Variants in PDSS1 observed in about 807,000 individuals in gnomAD.
PDSS1 encodes the protein decaprenyl diphosphate synthase subunit 1, also known as all trans-polyprenyl-diphosphate synthase PDSS1.
A neutral mutation model predicts 57.5 loss-of-function variants in PDSS1; 43 were observed. That is an observed-to-expected ratio of 0.75 (90% CI 0.59 to 0.96). PDSS1 has a LOEUF of 0.96. Ranked by LOEUF, PDSS1 falls within the 50% of genes least tolerant of loss-of-function variation. The pLI, the probability that PDSS1 is intolerant of heterozygous loss-of-function variation, is 0.00. For synonymous variants in PDSS1, 175 were observed against 191.3 expected, an observed-to-expected ratio of 0.91 and a Z score of 0.70; for missense variants, 438 against 527.8, an observed-to-expected ratio of 0.83 and a Z score of 1.67.
intron 7 of PDSS1, 22 bp downstream of exon 7, chr10:26,723,939 T>C (rs752723077): frequency 1.9e-6 from 3 of 1,589,864 alleles, no homozygotes; most frequent in Non-Finnish European, 2.6e-6. Context: ...CTGATTTTTC[T>C]TCTTTGTTAT....
At chr10:26,707,067 G>C (rs1010799813) in intron 4 of PDSS1, among the ~76,000 whole-genome samples, 2 of 152,168 alleles carry the variant, frequency 1.3e-5, no homozygotes, top group Non-Finnish European at 2.9e-5. Flanking sequence ...CCAGGGACTT[G>C]CATCCCGTCT....
intron 8 of PDSS1, among the ~76,000 whole-genome samples, chr10:26,734,178 C>T (rs1451881940): frequency 6.6e-6 from 1 of 152,228 alleles, no homozygotes; most frequent in East Asian, 1.9e-4. Context: ...GCCCCACAGT[C>T]TCACAGCAGA....
intron 10 of PDSS1, among the ~76,000 whole-genome samples, chr10:26,741,802 A>G (rs1444840796): frequency 1.3e-5 from 2 of 152,176 alleles, no homozygotes; most frequent in South Asian, 2.1e-4. Flanking sequence ...TCCCTACTCA[A>G]TCAGAAACTG....
At chr10:26,734,678 G>A (rs1047030551) in intron 8 of PDSS1, 5 of 456,148 alleles carry the variant, frequency 1.1e-5, no homozygotes, top group African/African-American at 8.0e-5. Flanking sequence ...GGAGGCTTGA[G>A]ATGATTTTTA....
In PDSS1 at chr10:26,746,590, A is replaced by G. The variant is rs1554800155; in HGVS notation, c.*117A>G. 1.2e-5 allele frequency: 14 copies of G among 1,123,754 alleles called. No homozygotes were observed. Among genetic ancestry groups the G allele is most frequent in the Non-Finnish European group, 3.9e-6 (3 of 764,556 alleles). 69.6% of individuals were successfully genotyped at this position (1,123,754 alleles called of 1,614,324 possible). On this transcript the variant is annotated 3_prime_UTR_variant, in exon 12 of 12. Coordinates refer to ENST00000376215, the MANE Select transcript of PDSS1 (RefSeq NM_014317.5). ...CCAAAAATCATTTTAAAAGATATCA[A>G]ACTTATTGATGGGCAATTTATTTTT...
intron 8 of PDSS1, among the ~76,000 whole-genome samples, chr10:26,727,024 T>G (rs1835973987): frequency 1.3e-5 from 2 of 150,566 alleles, no homozygotes; most frequent in African/African-American, 4.9e-5. Flanking sequence ...ATCACTCCAC[T>G]GCATTCCAGC....
At chr10:26,706,488 A>AT (rs1835220994) in intron 4 of PDSS1, among the ~76,000 whole-genome samples, 1 of 152,142 alleles carries the variant, frequency 6.6e-6, no homozygotes, top group Non-Finnish European at 1.5e-5. Context: ...CTCTAGGGGC[A>AT]GTCCCTTAGC....
chr10:26,738,936 C>G (rs1183279941), intron 10 of PDSS1, among the ~76,000 whole-genome samples: 1 of 152,138 alleles, frequency 6.6e-6, no homozygotes, highest in East Asian at 1.9e-4. Flanking sequence ...AGAATAAAAA[C>G]CTCATGTTAA....
At chr10:26,724,795 C>G (rs537293053) in intron 8 of PDSS1, among the ~76,000 whole-genome samples, 4 of 152,256 alleles carry the variant, frequency 2.6e-5, no homozygotes, top group East Asian at 1.9e-4. Context: ...CCGGGCTGGT[C>G]TCAAACTCCT....
chr10:26,722,898 CTT>C (rs751637147), intron 6 of PDSS1, among the ~76,000 whole-genome samples: 10 of 143,478 alleles, frequency 7.0e-5, no homozygotes, highest in Admixed American at 1.4e-4. Context: ...AATGGAAAAA[CTT>C]TTTTTTTTTT....
intron 10 of PDSS1, 45 bp downstream of exon 10, chr10:26,735,624 C>G (rs761004392): frequency 1.3e-5 from 14 of 1,068,274 alleles, no homozygotes; most frequent in Admixed American, 3.4e-5. Flanking sequence ...CATAGCCCCA[C>G]AGAACTGATG....
At chr10:26,706,132 C>T (rs763767092) in intron 4 of PDSS1, among the ~76,000 whole-genome samples, 13 of 152,118 alleles carry the variant, frequency 8.5e-5, no homozygotes, top group Admixed American at 2.0e-4. Flanking sequence ...GGTTGGGCAC[C>T]GTGGCTCGTG....
intron 6 of PDSS1, among the ~76,000 whole-genome samples, chr10:26,721,838 G>A (rs1835797422): frequency 6.6e-6 from 1 of 152,328 alleles, no homozygotes; most frequent in African/African-American, 2.4e-5. Context: ...GGCAGGTCAA[G>A]GACACATGTG....
At chr10:26,714,581 C>T (rs1193832958) in intron 5 of PDSS1, 1 of 152,172 alleles carries the variant, frequency 6.6e-6, no homozygotes, top group Non-Finnish European at 1.5e-5. Flanking sequence ...ACAAGCCAAA[C>T]CTACCTAGCC....
At chr10:26,737,205 T>C (rs1836434555) in intron 10 of PDSS1, among the ~76,000 whole-genome samples, 1 of 152,208 alleles carries the variant, frequency 6.6e-6, no homozygotes, top group African/African-American at 2.4e-5. Context: ...TGTTAAGTAC[T>C]TGTTATGAAC....
chr10:26,717,629 C>G (rs1324764789), intron 5 of PDSS1: 1 of 152,146 alleles, frequency 6.6e-6, no homozygotes, highest in Admixed American at 6.5e-5. Flanking sequence ...CAAAACAACT[C>G]TAGTATCTTG....
chr10:26,704,645 C>G, intron 2 of PDSS1, 32 bp from the exon 3 acceptor site: 1 of 913,438 alleles, frequency 1.1e-6, no homozygotes. Flanking sequence ...CAGGAATATT[C>G]TTACAAGTTT....
At chr10:26,742,896 T>C in intron 11 of PDSS1, among the ~76,000 whole-genome samples, 1 of 152,226 alleles carries the variant, frequency 6.6e-6, no homozygotes, top group South Asian at 2.1e-4. Context: ...GCCTTCCCTG[T>C]GTCCATCAAC....
rs1486882218 is a variant in PDSS1 at position 26,705,148 on chromosome 10, A to G, written c.228-138A>G. On this transcript the variant is annotated intron_variant, in intron 3 of 11. Transcript: ENST00000376215. Reference sequence around the variant, plus strand: ...AATAGAATTCTGTATGTTTTTCCAAATTATAATGACCTTTTCAGATTCATG... The same window carrying G: ...AATAGAATTCTGTATGTTTTTCCAAGTTATAATGACCTTTTCAGATTCATG... The G allele has an allele frequency of 9.0e-6, 6 of 668,748 alleles. No individual in the cohort carries two copies. The East Asian group carries it at 1.1e-4, about 12-fold the overall frequency. The allele number at this position is 668,748 out of a possible 1,614,324, so 41.4% of individuals were successfully genotyped here.
Sources: gnomAD v4.1 joint callset for allele counts (sites outside exome capture counted in the v4.1 genomes callset) on GRCh38, gnomAD v4.1.1 for gene constraint, MANE v1.5 for transcripts, NCBI Gene and HGNC (gene_info 2026-07-23, HGNC 2026-07-21) for gene names.